Variants in TRPM3 observed in about 807,000 individuals in gnomAD.
TRPM3 encodes the protein long transient receptor potential channel 3.
In TRPM3, 77 loss-of-function variants were observed where a neutral mutation model predicts 181.2. The ratio of observed to expected loss-of-function variants is 0.42; its 90% CI spans 0.35 to 0.51. The LOEUF is 0.51. Ranked by LOEUF, TRPM3 falls within the 20% of genes least tolerant of loss-of-function variation. The pLI is 0.01. For missense variants in TRPM3, 1,759 were observed against 2,196.7 expected, an observed-to-expected ratio of 0.80 and a Z score of 3.98; for synonymous variants, 745 against 796.4, an observed-to-expected ratio of 0.94 and a Z score of 1.09.
chr9:71,256,138 A>G (rs1473974874), intron 1 of TRPM3, among the ~76,000 whole-genome samples: 1 of 152,198 alleles, frequency 6.6e-6, no homozygotes, highest in Admixed American at 6.5e-5. Context: ...GTAATCTTCA[A>G]AGTTACAAAT....
At chr9:70,540,913 G>A (rs1253333764) in intron 25 of TRPM3, among the ~76,000 whole-genome samples, 2 of 152,038 alleles carry the variant, frequency 1.3e-5, no homozygotes, top group Admixed American at 1.3e-4. Flanking sequence ...GGAGAGACAG[G>A]GTTTCACCAT....
chr9:70,629,215 C>CGGGGGGGGGGGGGGGGGGGGG (rs550040624), intron 12 of TRPM3, among the ~76,000 whole-genome samples: 1 of 10,162 alleles, frequency 9.8e-5, no homozygotes, highest in Admixed American at 2.3e-3. Flanking sequence ...TGACCAGTGC[C>CGGGGGGGGGGGGGGGGGGGGG]GGGGGGGGGG....
At chr9:70,696,661 C>T (rs2070589029) in intron 8 of TRPM3, among the ~76,000 whole-genome samples, 1 of 152,184 alleles carries the variant, frequency 6.6e-6, no homozygotes, top group Non-Finnish European at 1.5e-5. Flanking sequence ...AATGCCAGGA[C>T]ATTCTGGAGT....
chr9:70,615,889 CTG>C lies in TRPM3; in HGVS notation c.2526+17_2526+18del, dbSNP rs1369496340. The C allele has an allele frequency of 2.5e-6, 4 of 1,589,250 alleles. No homozygotes were observed. Among genetic ancestry groups the C allele is most frequent in the Non-Finnish European group, 3.4e-6 (4 of 1,172,026 alleles). On this transcript the variant is annotated intron_variant, in intron 18 of 25. Coordinates refer to ENST00000677713, the MANE Select transcript of TRPM3 (RefSeq NM_001366145.2). Reference sequence around the variant, plus strand: ...TAGGAATTCTGCCCATAGAGAATAACTGTGCAATGTTTTCTTACTGTGAGCTC... The same window carrying C: ...TAGGAATTCTGCCCATAGAGAATAACTGCAATGTTTTCTTACTGTGAGCTC...
intron 8 of TRPM3, among the ~76,000 whole-genome samples, chr9:70,691,177 G>T (rs2068432105): frequency 6.6e-6 from 1 of 152,128 alleles, no homozygotes; most frequent in Non-Finnish European, 1.5e-5. Flanking sequence ...ATTAAATATT[G>T]ATTTTTCGTG....
chr9:71,290,981 GAACTA>G (rs1239344369), intron 1 of TRPM3, among the ~76,000 whole-genome samples: 1 of 151,930 alleles, frequency 6.6e-6, no homozygotes, highest in Non-Finnish European at 1.5e-5. Flanking sequence ...CAATGTAAAT[GAACTA>G]AACTCTAAAA....
intron 7 of TRPM3, among the ~76,000 whole-genome samples, chr9:70,783,386 G>A (rs982300618): frequency 1.1e-4 from 16 of 152,056 alleles, no homozygotes; most frequent in Admixed American, 8.5e-4. Flanking sequence ...CCTTAGGATG[G>A]TTTATTTTGA....
chr9:70,887,912 G>A (rs2096119124), intron 1 of TRPM3, among the ~76,000 whole-genome samples: 1 of 152,198 alleles, frequency 6.6e-6, no homozygotes, highest in Non-Finnish European at 1.5e-5. Context: ...GTCAACAACT[G>A]TGCAACTGCA....
At chr9:70,596,207 C>G (rs1282868731) in intron 21 of TRPM3, among the ~76,000 whole-genome samples, 1 of 152,082 alleles carries the variant, frequency 6.6e-6, no homozygotes, top group Non-Finnish European at 1.5e-5. Flanking sequence ...ACTTTAGAAA[C>G]AAGTAAACCA....
chr9:70,762,045 T>C (rs2078242149), intron 7 of TRPM3, among the ~76,000 whole-genome samples: 1 of 152,162 alleles, frequency 6.6e-6, no homozygotes, highest in South Asian at 2.1e-4. Flanking sequence ...CAATTAACCA[T>C]CTGCATCTTC....
At chr9:71,175,445 C>A (rs2077059296) in intron 1 of TRPM3, among the ~76,000 whole-genome samples, 1 of 152,172 alleles carries the variant, frequency 6.6e-6, no homozygotes, top group South Asian at 2.1e-4. Flanking sequence ...AAAAATAAAT[C>A]TCTAACATCA....
At chr9:71,012,550 G>A (rs1429382581) in intron 1 of TRPM3, among the ~76,000 whole-genome samples, 2 of 151,622 alleles carry the variant, frequency 1.3e-5, no homozygotes, top group African/African-American at 4.8e-5. Flanking sequence ...AAAATTTAAT[G>A]TATTTATTAG....
At chr9:70,987,022 T>C (rs2097428387) in intron 1 of TRPM3, among the ~76,000 whole-genome samples, 1 of 151,798 alleles carries the variant, frequency 6.6e-6, no homozygotes, top group African/African-American at 2.4e-5. Context: ...ACTGAGTTTT[T>C]CATTTTACTT....
intron 1 of TRPM3, among the ~76,000 whole-genome samples, chr9:70,997,265 G>A (rs908837177): frequency 6.6e-6 from 1 of 152,072 alleles, no homozygotes; most frequent in African/African-American, 2.4e-5. Flanking sequence ...GTGGCACGAT[G>A]TCAGCTCACT....
intron 22 of TRPM3, among the ~76,000 whole-genome samples, chr9:70,556,659 T>C (rs1588341880): frequency 6.6e-6 from 1 of 152,100 alleles, no homozygotes; most frequent in South Asian, 2.1e-4. Context: ...AATGTGGAGG[T>C]TGCAGTGAGC....
chr9:71,052,506 C>T (rs575526559), intron 1 of TRPM3, among the ~76,000 whole-genome samples: 27 of 152,240 alleles, frequency 1.8e-4, no homozygotes, highest in African/African-American at 6.3e-4. Context: ...GGGTGTGGAA[C>T]CACAGAAGTG....
intron 1 of TRPM3, among the ~76,000 whole-genome samples, chr9:70,937,701 A>T (rs1047188622): frequency 2.0e-5 from 3 of 152,130 alleles, no homozygotes; most frequent in Admixed American, 2.0e-4. Flanking sequence ...TTGTGGCCCT[A>T]TGGAAGCAGA....
At chr9:71,289,765 G>C (rs2085626431) in intron 1 of TRPM3, among the ~76,000 whole-genome samples, 2 of 150,990 alleles carry the variant, frequency 1.3e-5, no homozygotes, top group Admixed American at 6.6e-5. Context: ...CTACTCGGGA[G>C]GCTGAGGCAA....
chr9:71,358,561 C>T (rs1206587474), intron 1 of TRPM3, among the ~76,000 whole-genome samples: 1 of 152,128 alleles, frequency 6.6e-6, no homozygotes, highest in Non-Finnish European at 1.5e-5. Context: ...ATTAAAGAGG[C>T]CATGAGCCTA....
Sources: allele counts gnomAD v4.1 joint callset (sites outside exome capture counted in the v4.1 genomes callset), GRCh38; gene constraint gnomAD v4.1.1; transcripts MANE v1.5; gene names NCBI Gene and HGNC (gene_info 2026-07-23, HGNC 2026-07-21).